The following GRID1 variants were observed in gnomAD, a reference collection of about 807,000 sequenced individuals.
The protein encoded by GRID1 is glutamate ionotropic receptor delta type subunit 1.
GRID1 carries 28 observed loss-of-function variants against 98.0 expected under a neutral mutation model. That is an observed-to-expected ratio of 0.29 (90% CI 0.21 to 0.39). The LOEUF (loss-of-function observed/expected upper bound fraction) is 0.39, where lower values mean the gene tolerates loss of function less well. Among genes scored for constraint, GRID1 ranks in the 10% least tolerant of loss-of-function variants. The pLI is 1.00. For synonymous variants in GRID1, 553 were observed against 538.5 expected, an observed-to-expected ratio of 1.03 and a Z score of -0.37; for missense variants, 1,111 against 1,340.5, an observed-to-expected ratio of 0.83 and a Z score of 2.67.
chr10:86,356,462 G>A (rs1034741747), intron 2 of GRID1, among the ~76,000 whole-genome samples: 6 of 152,228 alleles, frequency 3.9e-5, no homozygotes, highest in African/African-American at 1.4e-4. Flanking sequence ...GTGACTGGCT[G>A]TGGCCACATG....
chr10:85,659,002 G>C (rs1840934433), intron 12 of GRID1, among the ~76,000 whole-genome samples: 1 of 152,198 alleles, frequency 6.6e-6, no homozygotes, highest in Admixed American at 6.5e-5. Flanking sequence ...AAAGATAATG[G>C]AAAAATGATA....
intron 2 of GRID1, among the ~76,000 whole-genome samples, chr10:86,212,340 G>A (rs938534790): frequency 3.9e-5 from 6 of 152,178 alleles, no homozygotes; most frequent in South Asian, 2.1e-4. Context: ...CCCCTCAACC[G>A]GCAGCTCCTG....
chr10:85,986,534 C>T (rs1410911746), intron 4 of GRID1, among the ~76,000 whole-genome samples: 2 of 152,226 alleles, frequency 1.3e-5, no homozygotes, highest in African/African-American at 2.4e-5. Context: ...AGGAAGGAGC[C>T]TGCATCATCG....
chr10:86,315,081 T>G (rs1306094195), intron 2 of GRID1, among the ~76,000 whole-genome samples: 1 of 152,118 alleles, frequency 6.6e-6, no homozygotes, highest in African/African-American at 2.4e-5. Context: ...CCATCAAGCT[T>G]CCAGGCTCTG....
chr10:86,212,178 A>ACGGTT (rs539759863), intron 2 of GRID1, among the ~76,000 whole-genome samples: 171 of 152,246 alleles, frequency 1.1e-3, no homozygotes, highest in African/African-American at 3.8e-3. Flanking sequence ...GAAGAGACCC[A>ACGGTT]CGGTTCCTGG....
At chr10:86,256,676 CACA>C (rs1164563828) in intron 2 of GRID1, among the ~76,000 whole-genome samples, 1 of 152,190 alleles carries the variant, frequency 6.6e-6, no homozygotes, top group Non-Finnish European at 1.5e-5. Flanking sequence ...CCTAGTGCAG[CACA>C]ACATGGAGGA....
intron 8 of GRID1, among the ~76,000 whole-genome samples, chr10:85,786,883 G>A (rs550007392): frequency 3.9e-5 from 6 of 152,258 alleles, no homozygotes; most frequent in African/African-American, 1.4e-4. Flanking sequence ...GGTGGTGGGA[G>A]GGAGAAGCTT....
intron 13 of GRID1, among the ~76,000 whole-genome samples, chr10:85,634,998 GAAAAAAAAAAAAAA>G (rs140144576): frequency 7.1e-4 from 25 of 35,012 alleles, no homozygotes; most frequent in East Asian, 2.6e-3. Context: ...GAGGAAATCT[GAAAAAAAAAAAAAA>G]AAAAAAAAAA....
In GRID1 at chr10:85,755,551, AAAG is replaced by A. The variant is rs533248821; in HGVS notation, c.1234-25940_1234-25938del. Among the ~76,000 whole-genome samples the A allele has an allele frequency of 1.6e-3, 244 of 152,322 alleles. 1 individual carries two copies. The highest frequency in any genetic ancestry group is 5.7e-3 in the African/African-American group (235 of 41,568). On this transcript the variant is annotated intron_variant, in intron 8 of 15. Coordinates refer to ENST00000327946, the MANE Select transcript of GRID1 (RefSeq NM_017551.3). ...AGTGCCAGGATTCCCAGAGTAAAGCAAAGGACTCTTCTGAAAGGTAAGAGCATC... is the reference window on the plus strand; with the variant it reads ...AGTGCCAGGATTCCCAGAGTAAAGCAGACTCTTCTGAAAGGTAAGAGCATC...
At chr10:86,323,672 A>G (rs994821408) in intron 2 of GRID1, among the ~76,000 whole-genome samples, 5 of 152,204 alleles carry the variant, frequency 3.3e-5, no homozygotes, top group Admixed American at 6.5e-5. Context: ...CTCAATGGGT[A>G]CAGGGTCTCT....
At chr10:86,131,524 GGTTCACA>G (rs1844838435) in intron 4 of GRID1, among the ~76,000 whole-genome samples, 1 of 152,108 alleles carries the variant, frequency 6.6e-6, no homozygotes, top group East Asian at 1.9e-4. Flanking sequence ...CCATGCTTCA[GGTTCACA>G]GTTCTCTTTG....
intron 12 of GRID1, among the ~76,000 whole-genome samples, chr10:85,658,523 C>A (rs1012143215): frequency 6.6e-6 from 1 of 152,204 alleles, no homozygotes; most frequent in Non-Finnish European, 1.5e-5. Flanking sequence ...GATACAAAAA[C>A]CTGTCCATAT....
intron 12 of GRID1, among the ~76,000 whole-genome samples, chr10:85,676,528 C>T (rs902036717): frequency 5.3e-5 from 8 of 152,204 alleles, no homozygotes; most frequent in African/African-American, 1.4e-4. Flanking sequence ...GTGCTAGAGT[C>T]CTCAGCTTAA....
chr10:85,986,299 T>C lies in GRID1; in HGVS notation c.727-70060A>G, dbSNP rs376793913. On this transcript the variant is annotated intron_variant, in intron 4 of 15. Coordinates refer to ENST00000327946, the MANE Select transcript of GRID1 (RefSeq NM_017551.3). ...CGCTTTTGTCTTAAAGGCAACTACCTGCAAATAGCAAGCCCAGAATGTTTC... is the reference window on the plus strand; with the variant it reads ...CGCTTTTGTCTTAAAGGCAACTACCCGCAAATAGCAAGCCCAGAATGTTTC... Among the ~76,000 whole-genome samples the C allele has an allele frequency of 1.1e-4, 16 of 152,360 alleles. No individual in the cohort carries two copies. The East Asian group carries it at 1.9e-3, about 18-fold the overall frequency.
At position 85,995,070 on chromosome 10, in the gene GRID1, G is replaced by A. The variant is rs146092207; in HGVS notation, c.727-78831C>T. ...CCATTTATTTTCATGTTAGACTTGC[G>A]GATTTTTATGTTAAAAGTTATTTTT... On this transcript the variant is annotated intron_variant, in intron 4 of 15. Coordinates refer to ENST00000327946, the MANE Select transcript of GRID1 (RefSeq NM_017551.3). Among the ~76,000 whole-genome samples the A allele has an allele frequency of 7.3e-3, 1,109 of 152,162 alleles. 17 individuals are homozygous for A. Among genetic ancestry groups the A allele is most frequent in the African/African-American group, 0.025 (1,044 of 41,504 alleles).
At chr10:85,783,299 G>T (rs1842396822) in intron 8 of GRID1, among the ~76,000 whole-genome samples, 1 of 152,162 alleles carries the variant, frequency 6.6e-6, no homozygotes, top group African/African-American at 2.4e-5. Context: ...AGTGCAAGGT[G>T]CTCAAACCAG....
At chr10:85,831,160 A>C (rs1204262546) in intron 8 of GRID1, among the ~76,000 whole-genome samples, 2 of 152,176 alleles carry the variant, frequency 1.3e-5, no homozygotes, top group African/African-American at 4.8e-5. Flanking sequence ...CCTTTGCAGA[A>C]AATTAGATGG....
chr10:85,840,339 A>G (rs749082179), intron 8 of GRID1, among the ~76,000 whole-genome samples: 4 of 151,996 alleles, frequency 2.6e-5, no homozygotes, highest in African/African-American at 9.7e-5. Flanking sequence ...TTGAACCTCA[A>G]AATAATAAGA....
At chr10:85,767,312 A>G (rs1842207786) in intron 8 of GRID1, among the ~76,000 whole-genome samples, 1 of 152,024 alleles carries the variant, frequency 6.6e-6, no homozygotes, top group Non-Finnish European at 1.5e-5. Context: ...CCCCAATCCT[A>G]TCCCCAACTT....
Sources: gnomAD v4.1 joint callset for allele counts (sites outside exome capture counted in the v4.1 genomes callset) on GRCh38, gnomAD v4.1.1 for gene constraint, MANE v1.5 for transcripts, NCBI Gene and HGNC (gene_info 2026-07-23, HGNC 2026-07-21) for gene names.